FBXL5: variants seen among roughly 807,000 people sequenced by gnomAD.
FBXL5 encodes the protein F-box and leucine rich repeat protein 5, also known as F-box/LRR-repeat protein 5.
In FBXL5, 26 loss-of-function variants were observed where a neutral mutation model predicts 78.3. That is an observed-to-expected ratio of 0.33 (90% CI 0.24 to 0.46). The LOEUF is 0.46. Ranked by LOEUF, FBXL5 falls within the 20% of genes least tolerant of loss-of-function variation. FBXL5 has a pLI of 1.00. For missense variants in FBXL5, 710 were observed against 829.2 expected (o/e 0.86, Z 1.77); for synonymous variants, 295 against 282.5 (o/e 1.04, Z -0.45).
At chr4:15,668,896 T>C (rs1019373156) in intron 1 of FBXL5, among the ~76,000 whole-genome samples, 1 of 152,164 alleles carries the variant, frequency 6.6e-6, no homozygotes, top group Admixed American at 6.5e-5. Context: ...TTAAAAACTA[T>C]CCAGAGTGAC....
chr4:15,676,415 C>G (rs11731596), intron 1 of FBXL5, among the ~76,000 whole-genome samples: 1,725 of 152,074 alleles, frequency 0.011, 18 homozygotes, highest in Middle Eastern at 0.014. Context: ...GACAAATGAC[C>G]TAATCTCTAC....
Position 15,655,305 on chromosome 4 carries a change from C to T in FBXL5, c.-18G>A. The T allele has an allele frequency of 7.2e-7, 1 of 1,387,284 alleles. No individual in the cohort carries two copies. The highest frequency in any genetic ancestry group is 9.6e-7 in the Non-Finnish European group (1 of 1,045,784). 85.9% of individuals were successfully genotyped at this position (1,387,284 alleles called of 1,614,324 possible). Reference sequence around the variant, plus strand: ...GGCGCCATCGCCACTGCCTCAGCCTCCGCCTCAGCAGCCGCGGCCGCCGCC... The same window carrying T: ...GGCGCCATCGCCACTGCCTCAGCCTTCGCCTCAGCAGCCGCGGCCGCCGCC... On this transcript the variant is annotated 5_prime_UTR_variant, in exon 1 of 11. Transcript: ENST00000341285.
upstream of FBXL5, among the ~76,000 whole-genome samples, chr4:15,663,003 G>C (rs182206729): frequency 8.5e-5 from 13 of 152,216 alleles, no homozygotes; most frequent in East Asian, 2.5e-3. Flanking sequence ...AATAAGAAAT[G>C]GTTGTAAAAT....
At chr4:15,655,976 T>C (rs749469261), upstream of FBXL5, among the ~76,000 whole-genome samples, 12 of 152,036 alleles carry the variant, frequency 7.9e-5, no homozygotes, top group Non-Finnish European at 1.5e-4. Context: ...GGGGCCTGGG[T>C]GCGAGGGGCG....
chr4:15,651,109 T>C (rs1715985941), intron 1 of FBXL5, among the ~76,000 whole-genome samples: 1 of 152,206 alleles, frequency 6.6e-6, no homozygotes, highest in Admixed American at 6.5e-5. Context: ...TTTTACTTTG[T>C]CTACTCACTC....
intron 5 of FBXL5, among the ~76,000 whole-genome samples, chr4:15,634,442 T>C (rs1344108955): frequency 6.6e-6 from 1 of 152,082 alleles, no homozygotes; most frequent in Non-Finnish European, 1.5e-5. Flanking sequence ...CTCAGCTCAC[T>C]GCCACCTCTG....
chr4:15,649,656 TATAA>T (rs1715734613), intron 1 of FBXL5, among the ~76,000 whole-genome samples: 1 of 151,706 alleles, frequency 6.6e-6, no homozygotes, highest in African/African-American at 2.4e-5. Context: ...AATCTGTTTA[TATAA>T]ATAGTTTTTA....
chr4:15,627,592 C>T (rs1202275207), intron 7 of FBXL5, among the ~76,000 whole-genome samples: 1 of 152,140 alleles, frequency 6.6e-6, no homozygotes, highest in Non-Finnish European at 1.5e-5. Flanking sequence ...TTTAAAAAAT[C>T]ACATAAAACT....
At chr4:15,661,640 T>C (rs760759506), upstream of FBXL5, among the ~76,000 whole-genome samples, 12 of 152,238 alleles carry the variant, frequency 7.9e-5, no homozygotes, top group Non-Finnish European at 1.6e-4. Context: ...GTCTTTTTTT[T>C]CTCTTTTTCT....
chr4:15,668,049 A>G (rs953892195), intron 1 of FBXL5, among the ~76,000 whole-genome samples: 1 of 152,032 alleles, frequency 6.6e-6, no homozygotes, highest in Non-Finnish European at 1.5e-5. Context: ...CTCTAAAAAA[A>G]AAAAAAAACA....
At chr4:15,644,849 A>T (rs1228269337) in intron 1 of FBXL5, 141 bp from the exon 2 acceptor site, 2 of 632,502 alleles carry the variant, frequency 3.2e-6, no homozygotes, top group Non-Finnish European at 2.7e-6. Flanking sequence ...AAAGAAATTC[A>T]TAAATTAACA....
rs528360506 is a variant in FBXL5 at position 15,648,984 on chromosome 4, ATATT to A, written c.85-4280_85-4277del. On this transcript the variant is annotated intron_variant, in intron 1 of 10. Transcript: ENST00000341285. ...GCATTGTACACCTTGAATATATACA[ATATT>A]TATTTGTCAATTATACCTCAATAAA... is the stretch of plus-strand genomic sequence containing the variant. 4.3e-4 allele frequency among the ~76,000 whole-genome samples: 66 copies of A among 152,272 alleles called. No individual in the cohort carries two copies. In the East Asian group the frequency reaches 0.011, roughly 26 times the overall value.
intron 1 of FBXL5, among the ~76,000 whole-genome samples, chr4:15,666,677 A>G (rs1047387197): frequency 6.6e-6 from 1 of 152,066 alleles, no homozygotes; most frequent in Non-Finnish European, 1.5e-5. Flanking sequence ...CTAAACATCA[A>G]AAAAATTAGC....
upstream of FBXL5, among the ~76,000 whole-genome samples, chr4:15,658,288 A>G (rs529003879): frequency 6.6e-5 from 10 of 152,332 alleles, no homozygotes; most frequent in African/African-American, 2.4e-4. Flanking sequence ...ACCAGAGTTG[A>G]TCCTTACTGT....
upstream of FBXL5, among the ~76,000 whole-genome samples, chr4:15,657,043 T>A (rs1044912257): frequency 4.6e-5 from 7 of 152,188 alleles, no homozygotes; most frequent in Non-Finnish European, 7.4e-5. Context: ...AGAATAATAA[T>A]AAAATATTTG....
At chr4:15,662,994 A>G (rs1717386894), upstream of FBXL5, among the ~76,000 whole-genome samples, 1 of 152,228 alleles carries the variant, frequency 6.6e-6, no homozygotes, top group Non-Finnish European at 1.5e-5. Flanking sequence ...CAATGAGTAA[A>G]TAAGAAATGG....
chr4:15,661,261 A>G (rs138089032), upstream of FBXL5, among the ~76,000 whole-genome samples: 210 of 152,248 alleles, frequency 1.4e-3, no homozygotes, highest in Middle Eastern at 6.8e-3. Flanking sequence ...TTGTAATTGC[A>G]CTGTTTTAAA....
At chr4:15,642,413 T>G (rs1259004574) in intron 2 of FBXL5, among the ~76,000 whole-genome samples, 1 of 151,938 alleles carries the variant, frequency 6.6e-6, no homozygotes, top group Non-Finnish European at 1.5e-5. Flanking sequence ...TTTTGGTATT[T>G]TTAGTAGAGA....
chr4:15,620,948 T>C (rs1712412373), intron 9 of FBXL5, among the ~76,000 whole-genome samples: 1 of 152,250 alleles, frequency 6.6e-6, no homozygotes, highest in Non-Finnish European at 1.5e-5. Flanking sequence ...TTAGTTAATC[T>C]AGTATCTATA....
Sources: allele counts gnomAD v4.1 joint callset (sites outside exome capture counted in the v4.1 genomes callset), GRCh38; gene constraint gnomAD v4.1.1; transcripts MANE v1.5; gene names NCBI Gene and HGNC (gene_info 2026-07-23, HGNC 2026-07-21).